The following PACC1 variants were observed in gnomAD, a reference collection of about 807,000 sequenced individuals.
The protein encoded by PACC1 is proton-activated chloride channel.
PACC1 carries 34 observed loss-of-function variants against 39.7 expected under a neutral mutation model. The ratio of observed to expected loss-of-function variants is 0.86; its 90% CI spans 0.65 to 1.14. The LOEUF (loss-of-function observed/expected upper bound fraction) is 1.14, where lower values mean the gene tolerates loss of function less well. Ranked by LOEUF, PACC1 falls within the 50% of genes most tolerant of loss-of-function variation. The pLI is 0.00. For missense variants in PACC1, 379 were observed against 436.4 expected (o/e 0.87, Z 1.17); for synonymous variants, 127 against 160.6 (o/e 0.79, Z 1.58).
At chr1:212,380,076 A>C (rs1373667503) in intron 4 of PACC1, 39 bp from the exon 5 acceptor site, 1 of 1,605,406 alleles carries the variant, frequency 6.2e-7, no homozygotes, top group South Asian at 1.1e-5. Context: ...GTCCTGGGAG[A>C]GTACACAGAG....
At chr1:212,390,429 G>GAA (rs569040186) in intron 2 of PACC1, among the ~76,000 whole-genome samples, 15 of 73,952 alleles carry the variant, frequency 2.0e-4, no homozygotes, top group African/African-American at 4.6e-4. Context: ...ATCTCAAAAA[G>GAA]AAAAAAAAAA....
At chr1:212,403,509 T>A (rs1221117813) in intron 2 of PACC1, among the ~76,000 whole-genome samples, 2 of 152,226 alleles carry the variant, frequency 1.3e-5, no homozygotes, top group Admixed American at 6.5e-5. Context: ...ATCCTGTAAC[T>A]GTCACTGCCT....
Position 212,414,856 on chromosome 1 carries a change from G to A in PACC1, c.-99C>T, listed in dbSNP as rs1194652376. The A allele has an allele frequency of 2.0e-6, 3 of 1,522,634 alleles. No homozygotes were observed. The highest frequency in any genetic ancestry group is 2.3e-5 in the East Asian group (1 of 42,900). 94.3% of individuals were successfully genotyped at this position (1,522,634 alleles called of 1,614,324 possible). ...GCACCTGGACCTACCGGCTCCGCGA[G>A]GCGAAACCGGTCCGGAGGGGCGTCC... is the stretch of plus-strand genomic sequence containing the variant. On this transcript the variant is annotated 5_prime_UTR_variant, in exon 1 of 8. Transcript: ENST00000261455.
chr1:212,365,093 TCCTC>T lies in PACC1; in HGVS notation c.*118_*121del. The T allele has an allele frequency of 1.0e-6, 1 of 1,002,084 alleles. No homozygotes were observed. Among genetic ancestry groups the T allele is most frequent in the Non-Finnish European group, 1.4e-6 (1 of 703,018 alleles). 62.1% of individuals were successfully genotyped at this position (1,002,084 alleles called of 1,614,324 possible). On this transcript the variant is annotated 3_prime_UTR_variant, in exon 8 of 8. Transcript: ENST00000261455. Reference sequence around the variant, plus strand: ...TAGAAGTTCCAGTTTTACATGCTGTTCCTCCCAGCAAGGCCCCATTTCTTCAAGT... The same window carrying T: ...TAGAAGTTCCAGTTTTACATGCTGTTCCAGCAAGGCCCCATTTCTTCAAGT...
rs1296132668 is a variant in PACC1 at position 212,410,428 on chromosome 1, G to A, written c.130C>T (p.Pro44Ser). Residue 44 changes from proline to serine, a missense_variant, in exon 2 of 8, where the codon CCA (proline) becomes TCA (serine). Physicochemically the swap from Pro to Ser is moderately conservative, Grantham distance 74. Coordinates refer to ENST00000261455, the MANE Select transcript of PACC1 (RefSeq NM_018252.3). ...GCAAAGCACCAAACGCACTCACCTG[G>A]TAAGATACCCGGACCTTGGACTCTG... ...TVRVQGPGIL[P>S]GLDSESASSS... is the part of the protein sequence containing the mutation. 6.2e-7 allele frequency: 1 copy of A among 1,614,076 alleles called. No individual in the cohort carries two copies.
chr1:212,404,530 C>T (rs1176028286), intron 2 of PACC1, among the ~76,000 whole-genome samples: 3 of 151,852 alleles, frequency 2.0e-5, no homozygotes, highest in Non-Finnish European at 4.4e-5. Flanking sequence ...CTCACCAGCC[C>T]TCTGCCCCAA....
In PACC1 at chr1:212,379,994, C is replaced by A. The variant is rs772190370; in HGVS notation, c.539G>T (p.Arg180Leu). Residue 180 changes from arginine to leucine, a missense_variant, in exon 5 of 8, where the codon CGG becomes CTG. By Grantham distance (102) the Arg-to-Leu change is moderately radical (BLOSUM62 -2). Transcript: ENST00000261455. ...GCGGAACTGGAGGAAGACCAGCTCC[C>A]GCTTTTTCACTTCCCGGGGCCCCTG... ...IVQGPREVKKRELVFLQFRLN... is the reference protein window; with the variant it reads ...IVQGPREVKKLELVFLQFRLN... The A allele has an allele frequency of 6.2e-7, 1 of 1,614,158 alleles. No individual in the cohort carries two copies. The highest frequency in any genetic ancestry group is 8.5e-7 in the Non-Finnish European group (1 of 1,180,026).
chr1:212,398,071 T>C (rs945701331), intron 2 of PACC1, among the ~76,000 whole-genome samples: 5 of 152,192 alleles, frequency 3.3e-5, no homozygotes, highest in African/African-American at 1.2e-4. Flanking sequence ...CGCTGCAAAA[T>C]GCATTACACA....
Position 212,379,898 on chromosome 1 carries a change from TGC to T in PACC1, c.633_634del (p.Gln212LysfsTer12). Reference sequence around the variant, plus strand: ...ACTGTGAACTCTAAAAGCCCACCTTTGCAGGAACTCCTGGAAAGAAGAGAAGA... The same window carrying T: ...ACTGTGAACTCTAAAAGCCCACCTTTAGGAACTCCTGGAAAGAAGAGAAGA... On this transcript the variant is annotated frameshift_variant, in exon 5 of 8. Transcript: ENST00000261455. LOFTEE classifies it high-confidence loss of function. The T allele has an allele frequency of 1.2e-6, 2 of 1,614,106 alleles. No homozygotes were observed. Among genetic ancestry groups the T allele is most frequent in the Non-Finnish European group, 1.7e-6 (2 of 1,180,002 alleles).
intron 7 of PACC1, among the ~76,000 whole-genome samples, chr1:212,366,521 C>T (rs1486753264): frequency 6.6e-6 from 1 of 151,820 alleles, no homozygotes; most frequent in Non-Finnish European, 1.5e-5. Context: ...AGGATGGTCT[C>T]GATCTTATGA....
chr1:212,385,432 G>A lies in PACC1; in HGVS notation c.344-7C>T. On this transcript the variant is annotated splice_polypyrimidine_tract_variant and splice_region_variant and intron_variant, in intron 3 of 7. Coordinates refer to ENST00000261455, the MANE Select transcript of PACC1 (RefSeq NM_018252.3). ...CCGGGGTACAAGGCAATACCTGGGG[G>A]CACAAACAGGAAAAGCAAGTGTCAG... is the stretch of plus-strand genomic sequence containing the variant. 6.2e-7 allele frequency: 1 copy of A among 1,613,902 alleles called. No homozygotes were observed. The highest frequency in any genetic ancestry group is 8.5e-7 in the Non-Finnish European group (1 of 1,179,872).
rs1662271845 is a variant in PACC1, at chr1:212,414,777, G to A, written c.-20C>T. On this transcript the variant is annotated 5_prime_UTR_variant, in exon 1 of 8. Coordinates refer to ENST00000261455, the MANE Select transcript of PACC1 (RefSeq NM_018252.3). ...GATCATGGCACTGACCAGAGCTTCG[G>A]CACACCTGAGACCGCCCCAGCCCGC... 1 of 1,612,512 alleles carries A rather than the reference G, an allele frequency of 6.2e-7. No homozygotes were observed. The highest frequency in any genetic ancestry group is 8.5e-7 in the Non-Finnish European group (1 of 1,178,812).
At position 212,402,007 on chromosome 1, in the gene PACC1, C is replaced by T. The variant is rs117487838; in HGVS notation, c.133+8418G>A. Among the ~76,000 whole-genome samples, 19 of 152,286 alleles carry T rather than the reference C, an allele frequency of 1.2e-4. No homozygotes were observed. The East Asian group carries it at 1.9e-3, about 15-fold the overall frequency. Reference sequence around the variant, plus strand: ...CATTCTTTTATTGTCAAATAATATTCTATTGTGTGAATGTACCATTTTACT... The same window carrying T: ...CATTCTTTTATTGTCAAATAATATTTTATTGTGTGAATGTACCATTTTACT... On this transcript the variant is annotated intron_variant, in intron 2 of 7. Transcript: ENST00000261455.
Position 212,386,649 on chromosome 1 carries a change from G to A in PACC1, c.343+242C>T, listed in dbSNP as rs1247606820. On this transcript the variant is annotated intron_variant, in intron 3 of 7. Transcript: ENST00000261455. The surrounding 1 kb of genome is among the most constrained non-coding windows in gnomAD (Gnocchi z 5.0). ...ATCTCAAATCCTACCTCTCTGCCAA[G>A]CTTTCCCTGACCCCTCTAGTAGCCT... 2.0e-5 allele frequency among the ~76,000 whole-genome samples: 3 copies of A among 152,150 alleles called. No individual in the cohort carries two copies. The highest frequency in any genetic ancestry group is 2.0e-4 in the Admixed American group (3 of 15,284).
At chr1:212,397,382 T>C (rs1661566387) in intron 2 of PACC1, among the ~76,000 whole-genome samples, 1 of 152,228 alleles carries the variant, frequency 6.6e-6, no homozygotes, top group South Asian at 2.1e-4. Flanking sequence ...AAGCAGAGAC[T>C]GTCAGTCTGG....
rs1426319104 is a variant in PACC1 at position 212,386,784 on chromosome 1, C to T, written c.343+107G>A. Reference sequence around the variant, plus strand: ...ACCTAGACTATGCTTGGTTGGACTCCTCTGCCCTGCCCGTAGTACCACAAA... The same window carrying T: ...ACCTAGACTATGCTTGGTTGGACTCTTCTGCCCTGCCCGTAGTACCACAAA... On this transcript the variant is annotated intron_variant, in intron 3 of 7. Coordinates refer to ENST00000261455, the MANE Select transcript of PACC1 (RefSeq NM_018252.3). This position sits in a 1 kb window ranked among gnomAD's most constrained non-coding sequence, Gnocchi z 5.0. 2 of 1,130,898 alleles carry T rather than the reference C, an allele frequency of 1.8e-6. No homozygotes were observed. The highest frequency in any genetic ancestry group is 3.0e-5 in the African/African-American group (2 of 65,700). 70.1% of individuals were successfully genotyped at this position (1,130,898 alleles called of 1,614,324 possible).
chr1:212,394,060 A>G (rs1661425863), intron 2 of PACC1, among the ~76,000 whole-genome samples: 2 of 151,068 alleles, frequency 1.3e-5, no homozygotes, highest in Admixed American at 6.6e-5. Context: ...CAATAGAAAA[A>G]GAGGGAATCC....
chr1:212,408,272 G>A (rs1661995743), intron 2 of PACC1, among the ~76,000 whole-genome samples: 1 of 152,054 alleles, frequency 6.6e-6, no homozygotes, highest in Non-Finnish European at 1.5e-5. Context: ...GGCAAATGGG[G>A]TACGACAGAT....
chr1:212,392,421 TA>T (rs1431550771), intron 2 of PACC1, among the ~76,000 whole-genome samples: 1 of 152,118 alleles, frequency 6.6e-6, no homozygotes, highest in African/African-American at 2.4e-5. Flanking sequence ...AGGCCTGCCC[TA>T]AAAGAGCTCC....
Sources: gnomAD v4.1 joint callset for allele counts (sites outside exome capture counted in the v4.1 genomes callset) on GRCh38, gnomAD v4.1.1 for gene constraint, Gnocchi (gnomAD v3.1) non-coding constraint, MANE v1.5 for transcripts, NCBI Gene and HGNC (gene_info 2026-07-23, HGNC 2026-07-21) for gene names.